The following TMPRSS11A variants were observed in gnomAD, a reference collection of about 807,000 sequenced individuals.
TMPRSS11A encodes the protein transmembrane serine protease 11A.
In TMPRSS11A, 53 loss-of-function variants were observed where a neutral mutation model predicts 58.9. That is an observed-to-expected ratio of 0.90 (90% CI 0.72 to 1.13). The LOEUF (loss-of-function observed/expected upper bound fraction) is 1.13. TMPRSS11A is among the 50% of genes most tolerant of loss of function. TMPRSS11A has a pLI of 0.00. For missense variants in TMPRSS11A, 493 were observed against 499.3 expected, an observed-to-expected ratio of 0.99 and a Z score of 0.12; for synonymous variants, 167 against 169.8, an observed-to-expected ratio of 0.98 and a Z score of 0.13.
At chr4:67,958,180 A>G (rs1427463700) in intron 1 of TMPRSS11A, among the ~76,000 whole-genome samples, 2 of 152,224 alleles carry the variant, frequency 1.3e-5, no homozygotes. Context: ...GCCTCCACAC[A>G]AAGTCCCTAC....
At position 67,944,625 on chromosome 4, in the gene TMPRSS11A, T is replaced by C; in HGVS notation, c.146A>G (p.Glu49Gly). The change falls in exon 3 of 10, where the codon GAG becomes GGG. Residue 49 changes from glutamate to glycine, a missense_variant. Coordinates refer to ENST00000508048, the MANE Select transcript of TMPRSS11A (RefSeq NM_001114387.2). ...VHFLVFDQKK[E>G]YYHGSFKILD... ...AATTTTAAAGGAGCCATGATAGTAC[T>C]CCTTTTTTTGGTCTGCAATGGAAAT... 6.2e-7 allele frequency: 1 copy of C among 1,610,684 alleles called. No individual in the cohort carries two copies. Among genetic ancestry groups the C allele is most frequent in the African/African-American group, 1.3e-5 (1 of 74,868 alleles).
intron 5 of TMPRSS11A, among the ~76,000 whole-genome samples, chr4:67,928,433 T>G (rs1720529579): frequency 6.6e-6 from 1 of 152,248 alleles, no homozygotes; most frequent in Non-Finnish European, 1.5e-5. Flanking sequence ...GTTTAGAAGC[T>G]GAGCCTACAA....
Position 67,919,165 on chromosome 4 carries a change from T to G in TMPRSS11A, c.760A>C (p.Asn254His). ...TCATGGATAATAAATCTTCTGACAT[T>G]TCTTTTCATTAAGGGAGGGTTGATT... ...TKINPPLMKR[N>H]VRRFIIHEKY... The change falls in exon 8 of 10, where the codon AAT becomes CAT. Residue 254 changes from asparagine (N) to histidine (H), a missense_variant. Asn to His is a moderately conservative substitution (Grantham distance 68). Transcript: ENST00000508048. The G allele has an allele frequency of 1.9e-6, 3 of 1,614,208 alleles. No individual in the cohort carries two copies. Among genetic ancestry groups the G allele is most frequent in the Non-Finnish European group, 2.5e-6 (3 of 1,180,018 alleles).
In TMPRSS11A at chr4:67,932,052, C is replaced by A; in HGVS notation, c.261G>T (p.Glu87Asp). 1 of 1,563,588 alleles carries A rather than the reference C, an allele frequency of 6.4e-7. No individual in the cohort carries two copies. The highest frequency in any genetic ancestry group is 1.4e-5 in the African/African-American group (1 of 74,068). The change falls in exon 4 of 10, where the codon GAG (glutamate) becomes GAT (aspartate). Residue 87 changes from glutamate (E) to aspartate (D), a missense_variant. Glu to Asp is a conservative substitution (Grantham distance 45). Coordinates refer to ENST00000508048, the MANE Select transcript of TMPRSS11A (RefSeq NM_001114387.2). ...TCTTCCAGGCTGAATCTATAAATAT[C>A]TCATCCACCTGTTACACAACAAGAG... ...LRETTENLVD[E>D]IFIDSAWKKN...
At chr4:67,931,359 A>G (rs932746711) in intron 4 of TMPRSS11A, among the ~76,000 whole-genome samples, 1 of 152,176 alleles carries the variant, frequency 6.6e-6, no homozygotes, top group African/African-American at 2.4e-5. Flanking sequence ...CTTTATCTTT[A>G]AGAAATATGA....
intron 7 of TMPRSS11A, among the ~76,000 whole-genome samples, chr4:67,921,409 C>T (rs1720327204): frequency 1.3e-5 from 2 of 152,078 alleles, no homozygotes; most frequent in African/African-American, 4.8e-5. Context: ...TCATAGCTTG[C>T]AGGAGCCTCA....
intron 3 of TMPRSS11A, among the ~76,000 whole-genome samples, chr4:67,941,861 G>A (rs1027354951): frequency 3.3e-5 from 5 of 151,648 alleles, no homozygotes; most frequent in African/African-American, 1.2e-4. Flanking sequence ...ACAATCATAA[G>A]GCAAAACAGT....
intron 4 of TMPRSS11A, among the ~76,000 whole-genome samples, chr4:67,931,132 G>T: frequency 6.6e-6 from 1 of 151,996 alleles, no homozygotes; most frequent in East Asian, 1.9e-4. Flanking sequence ...CAGAAAACAT[G>T]AAATCTAGAA....
At chr4:67,936,614 TTG>T (rs1166357866) in intron 3 of TMPRSS11A, among the ~76,000 whole-genome samples, 1 of 152,178 alleles carries the variant, frequency 6.6e-6, no homozygotes, top group East Asian at 1.9e-4. Context: ...ATGTGATATT[TTG>T]TGATGCCATC....
intron 3 of TMPRSS11A, among the ~76,000 whole-genome samples, chr4:67,940,407 T>C (rs1720852104): frequency 6.6e-6 from 1 of 152,194 alleles, no homozygotes; most frequent in East Asian, 1.9e-4. Flanking sequence ...AAATTACTGA[T>C]TTAAGTATGA....
Position 67,929,917 on chromosome 4 carries a change from T to C in TMPRSS11A, c.444A>G (p.Arg148=), listed in dbSNP as rs765696558. ...SILNQKIRNL[R]ALPINASSVQ... ...CTGATGAGGCATTTATTGGCAAGGCTCTTAAATTCCTTATCTTCTGATTTA... is the reference window on the plus strand; with the variant it reads ...CTGATGAGGCATTTATTGGCAAGGCCCTTAAATTCCTTATCTTCTGATTTA... Residue 148 remains arginine (R), a synonymous_variant, in exon 5 of 10, where the codon AGA becomes AGG. Coordinates refer to ENST00000508048, the MANE Select transcript of TMPRSS11A (RefSeq NM_001114387.2). The C allele has an allele frequency of 3.7e-6, 6 of 1,613,644 alleles. No individual in the cohort carries two copies. The South Asian group carries it at 4.4e-5, about 12-fold the overall frequency.
intron 8 of TMPRSS11A, among the ~76,000 whole-genome samples, chr4:67,916,884 A>G (rs1720169894): frequency 6.6e-6 from 1 of 152,164 alleles, no homozygotes; most frequent in Non-Finnish European, 1.5e-5. Context: ...GTAAGGTGAA[A>G]CTGACAATCT....
intron 8 of TMPRSS11A, among the ~76,000 whole-genome samples, chr4:67,918,716 A>AC (rs1290595514): frequency 6.6e-6 from 1 of 152,104 alleles, no homozygotes. Context: ...CATCATATAA[A>AC]CCCCTGTGTC....
intron 9 of TMPRSS11A, 141 bp from the exon 10 acceptor site, chr4:67,911,644 T>G (rs1237212469): frequency 1.9e-6 from 1 of 522,714 alleles, no homozygotes; most frequent in African/African-American, 1.9e-5. Flanking sequence ...AATTGAGACA[T>G]GGATTTTAAT....
Position 67,922,484 on chromosome 4 carries a change from G to A in TMPRSS11A, c.692+271C>T, listed in dbSNP as rs574269940. On this transcript the variant is annotated intron_variant, in intron 7 of 9. Transcript: ENST00000508048. ...GTTATTAGTGAATATTTTGTGTTAG[G>A]ATGTCACAAAATAGTTCTGATTTCT... Among the ~76,000 whole-genome samples, 11 of 152,230 alleles carry A rather than the reference G, an allele frequency of 7.2e-5. 1 individual carries two copies. In the South Asian group the frequency reaches 2.1e-3, roughly 29 times the overall value.
chr4:67,912,610 A>G (rs1281742852), intron 9 of TMPRSS11A, among the ~76,000 whole-genome samples: 1 of 152,170 alleles, frequency 6.6e-6, no homozygotes, highest in Non-Finnish European at 1.5e-5. Flanking sequence ...CATGGGTAGG[A>G]ATCTAGGTTG....
chr4:67,948,555 A>G (rs1425386692), intron 1 of TMPRSS11A, among the ~76,000 whole-genome samples: 1 of 152,244 alleles, frequency 6.6e-6, no homozygotes, highest in Non-Finnish European at 1.5e-5. Context: ...AAGTAATAAA[A>G]TTAATCAAGA....
At chr4:67,923,830 G>T (rs921531415) in intron 6 of TMPRSS11A, among the ~76,000 whole-genome samples, 1 of 152,092 alleles carries the variant, frequency 6.6e-6, no homozygotes, top group Non-Finnish European at 1.5e-5. Flanking sequence ...TTATTTTGTA[G>T]CAGAAAGTAC....
At chr4:67,947,508 T>C (rs927912533) in intron 1 of TMPRSS11A, among the ~76,000 whole-genome samples, 2 of 152,228 alleles carry the variant, frequency 1.3e-5, no homozygotes, top group Non-Finnish European at 2.9e-5. Flanking sequence ...AACTTGTTCT[T>C]TTATATCCCT....
Sources: allele counts gnomAD v4.1 joint callset (sites outside exome capture counted in the v4.1 genomes callset), GRCh38; gene constraint gnomAD v4.1.1; transcripts MANE v1.5; gene names NCBI Gene and HGNC (gene_info 2026-07-23, HGNC 2026-07-21).